Variants in CHST11 observed in about 807,000 individuals in gnomAD.
CHST11 encodes the protein C4S-1.
In CHST11, 9 loss-of-function variants were observed where a neutral mutation model predicts 30.4. The observed-to-expected ratio is 0.30, with a 90% CI of 0.18 to 0.52. The LOEUF is 0.52. Among genes scored for constraint, CHST11 ranks in the 20% least tolerant of loss-of-function variants. CHST11 has a pLI of 0.97. For synonymous variants in CHST11, 152 were observed against 187.8 expected (o/e 0.81, Z 1.56); for missense variants, 348 against 460.6 (o/e 0.76, Z 2.24).
At chr12:104,720,659 C>T (rs1286730805) in intron 2 of CHST11, among the ~76,000 whole-genome samples, 1 of 152,040 alleles carries the variant, frequency 6.6e-6, no homozygotes, top group East Asian at 1.9e-4. Context: ...AGACGTTTGG[C>T]CTTTGAGGCA....
At chr12:104,721,585 G>A (rs766430711) in intron 2 of CHST11, among the ~76,000 whole-genome samples, 20 of 152,156 alleles carry the variant, frequency 1.3e-4, no homozygotes, top group Admixed American at 5.2e-4. Context: ...GTACCCCTGC[G>A]CCTGATAGAG....
intron 2 of CHST11, among the ~76,000 whole-genome samples, chr12:104,634,875 AT>A (rs1231063757): frequency 1.3e-5 from 2 of 151,760 alleles, no homozygotes; most frequent in East Asian, 3.9e-4. Flanking sequence ...CATTTGCTCC[AT>A]TTACTCCTGG....
chr12:104,488,020 T>A (rs1460078021), intron 1 of CHST11, among the ~76,000 whole-genome samples: 2 of 152,044 alleles, frequency 1.3e-5, no homozygotes, highest in Non-Finnish European at 2.9e-5. Flanking sequence ...GCAATCCCCC[T>A]GCCTCAGCCT....
intron 2 of CHST11, among the ~76,000 whole-genome samples, chr12:104,697,484 T>C (rs1257660238): frequency 6.6e-6 from 1 of 152,188 alleles, no homozygotes; most frequent in Non-Finnish European, 1.5e-5. Context: ...GGCCCTCGTA[T>C]CCAGACTGAA....
chr12:104,469,198 T>C (rs1372945577), intron 1 of CHST11, among the ~76,000 whole-genome samples: 1 of 152,250 alleles, frequency 6.6e-6, no homozygotes, highest in African/African-American at 2.4e-5. Context: ...GTGAGGCTCC[T>C]GTGAATATCT....
intron 1 of CHST11, among the ~76,000 whole-genome samples, chr12:104,537,695 T>C (rs953766486): frequency 1.2e-5 from 1 of 86,382 alleles, no homozygotes; most frequent in African/African-American, 3.8e-5. Flanking sequence ...CCTCCCTGCT[T>C]TTTTTTTTTT....
At chr12:104,645,898 C>A (rs1321943097) in intron 2 of CHST11, among the ~76,000 whole-genome samples, 2 of 152,208 alleles carry the variant, frequency 1.3e-5, no homozygotes, top group Admixed American at 1.3e-4. Flanking sequence ...CTTCTTCCAC[C>A]CTCACCAGCT....
chr12:104,526,237 GA>G (rs1235264408), intron 1 of CHST11, among the ~76,000 whole-genome samples: 1 of 151,320 alleles, frequency 6.6e-6, no homozygotes, highest in Non-Finnish European at 1.5e-5. Context: ...GAAAAGAAAA[GA>G]AAAAGAAAAG....
intron 1 of CHST11, among the ~76,000 whole-genome samples, chr12:104,513,138 T>TGGGGGG (rs1565969843): frequency 1.2e-3 from 4 of 3,338 alleles, no homozygotes; most frequent in African/African-American, 1.4e-3. Flanking sequence ...GGGGGGGGGG[T>TGGGGGG]TGGGGGTGGG....
At chr12:104,603,532 C>A (rs1164152374) in intron 2 of CHST11, among the ~76,000 whole-genome samples, 1 of 152,170 alleles carries the variant, frequency 6.6e-6, no homozygotes, top group African/African-American at 2.4e-5. Context: ...CATGAAAGTC[C>A]AGGTTCAAAT....
At chr12:104,574,995 C>T (rs2038668892) in intron 1 of CHST11, among the ~76,000 whole-genome samples, 1 of 151,960 alleles carries the variant, frequency 6.6e-6, no homozygotes, top group South Asian at 2.1e-4. Flanking sequence ...AGTTCAAGAC[C>T]AGCCTGGCCA....
intron 2 of CHST11, among the ~76,000 whole-genome samples, chr12:104,717,065 T>C (rs987385487): frequency 6.6e-6 from 1 of 152,228 alleles, no homozygotes; most frequent in Non-Finnish European, 1.5e-5. Context: ...TAAGGGACCC[T>C]TGTGATTACA....
chr12:104,648,964 C>A (rs1215648583), intron 2 of CHST11, among the ~76,000 whole-genome samples: 1 of 152,180 alleles, frequency 6.6e-6, no homozygotes, highest in Non-Finnish European at 1.5e-5. Context: ...AGGGGAAATA[C>A]ACCCTTACTC....
intron 1 of CHST11, among the ~76,000 whole-genome samples, chr12:104,581,620 G>T (rs1241665911): frequency 6.6e-6 from 1 of 152,160 alleles, no homozygotes; most frequent in African/African-American, 2.4e-5. Context: ...GGGCAGGAGG[G>T]TGGGGAGGGT....
intron 1 of CHST11, among the ~76,000 whole-genome samples, chr12:104,462,283 A>G (rs1292905166): frequency 6.7e-6 from 1 of 149,584 alleles, no homozygotes; most frequent in African/African-American, 2.4e-5. Context: ...AATATATTAT[A>G]GAATATATTT....
chr12:104,541,530 T>G (rs1053597405), intron 1 of CHST11, among the ~76,000 whole-genome samples: 2 of 152,216 alleles, frequency 1.3e-5, no homozygotes, highest in Non-Finnish European at 2.9e-5. Context: ...CTCTTAACAT[T>G]TTTTAAATGT....
At chr12:104,686,232 T>TAAGAAAAAAAA (rs2039844837) in intron 2 of CHST11, among the ~76,000 whole-genome samples, 1 of 99,140 alleles carries the variant, frequency 1.0e-5, no homozygotes, top group African/African-American at 3.4e-5. Flanking sequence ...ACTCACCTCT[T>TAAGAAAAAAAA]AAAAAAAAAA....
intron 2 of CHST11, among the ~76,000 whole-genome samples, chr12:104,695,501 A>G (rs143710545): frequency 7.3e-4 from 111 of 152,190 alleles, no homozygotes; most frequent in Non-Finnish European, 1.4e-3. Context: ...TGCTTATTGA[A>G]CAAGCATTTC....
At chr12:104,465,084 G>A (rs1044401527) in intron 1 of CHST11, among the ~76,000 whole-genome samples, 1 of 152,184 alleles carries the variant, frequency 6.6e-6, no homozygotes, top group African/African-American at 2.4e-5. Flanking sequence ...CACCATGGAT[G>A]CCTTCTGAGG....
Sources: allele counts gnomAD v4.1 joint callset (sites outside exome capture counted in the v4.1 genomes callset), GRCh38; gene constraint gnomAD v4.1.1; transcripts MANE v1.5; gene names NCBI Gene and HGNC (gene_info 2026-07-23, HGNC 2026-07-21).